RPAP3: variants seen among roughly 807,000 people sequenced by gnomAD.
RPAP3 encodes RNA polymerase II associated protein 3.
A neutral mutation model predicts 88.8 loss-of-function variants in RPAP3; 58 were observed. The ratio of observed to expected loss-of-function variants is 0.65; its 90% CI spans 0.53 to 0.81. The LOEUF (loss-of-function observed/expected upper bound fraction) is 0.81, where lower values mean the gene tolerates loss of function less well. Ranked by LOEUF, RPAP3 falls within the 40% of genes least tolerant of loss-of-function variation. RPAP3 has a pLI of 0.00. For missense variants in RPAP3, 751 were observed against 764.3 expected (o/e 0.98, Z 0.20); for synonymous variants, 255 against 259.9 (o/e 0.98, Z 0.18).
chr12:47,696,581 G>A (rs528041028), intron 4 of RPAP3, among the ~76,000 whole-genome samples, 178 bp from the exon 5 acceptor site: 25 of 151,516 alleles, frequency 1.6e-4, no homozygotes, highest in Admixed American at 4.6e-4. Flanking sequence ...TTCTGCCTCT[G>A]CCACCCGAGA....
At chr12:47,670,084 C>T (rs1356985100) in intron 13 of RPAP3, 23 bp downstream of exon 13, 2 of 1,412,994 alleles carry the variant, frequency 1.4e-6, no homozygotes, top group African/African-American at 2.8e-5. Context: ...GGATGATCAG[C>T]AAATAACAGT....
chr12:47,686,950 CA>C lies in RPAP3; in HGVS notation c.865-44del, dbSNP rs747246311. 193 of 1,233,522 alleles carry C rather than the reference CA, an allele frequency of 1.6e-4. 2 individuals carry two copies. Among genetic ancestry groups the C allele is most frequent in the South Asian group, 1.4e-3 (93 of 64,704 alleles). The allele number at this position is 1,233,522 out of a possible 1,614,324, so 76.4% of individuals were successfully genotyped here. On this transcript the variant is annotated intron_variant, in intron 8 of 16. Coordinates refer to ENST00000005386, the MANE Select transcript of RPAP3 (RefSeq NM_024604.3). ...GATATGGAGAATAAAAAAAAAATTT[CA>C]AAAAAAATAAATGAATTCAAATCTT...
At chr12:47,666,243 C>T (rs548234442) in intron 16 of RPAP3, among the ~76,000 whole-genome samples, 2 of 152,278 alleles carry the variant, frequency 1.3e-5, no homozygotes, top group African/African-American at 2.4e-5. Flanking sequence ...TTTCTCAAAA[C>T]GGACTCTTTA....
intron 14 of RPAP3, among the ~76,000 whole-genome samples, chr12:47,668,117 C>G: frequency 6.6e-6 from 1 of 152,162 alleles, no homozygotes; most frequent in Non-Finnish European, 1.5e-5. Context: ...ATTGCTTGAA[C>G]CTGGGAGGCA....
rs969490735 is a variant in RPAP3 at position 47,661,790 on chromosome 12, T to A, written c.*1715A>T. The A allele has an allele frequency of 6.6e-6, 1 of 152,184 alleles. No homozygotes were observed. The highest frequency in any genetic ancestry group is 1.5e-5 in the Non-Finnish European group (1 of 68,034). The allele number at this position is 152,184 out of a possible 1,614,324, so 9.4% of individuals were successfully genotyped here. On this transcript the variant is annotated 3_prime_UTR_variant, in exon 17 of 17. Coordinates refer to ENST00000005386, the MANE Select transcript of RPAP3 (RefSeq NM_024604.3). ...TGGCCAATTTTTAGCTCTATAATCATGCAGAGAACATTAACCCTCTGAGCC... is the reference window on the plus strand; with the variant it reads ...TGGCCAATTTTTAGCTCTATAATCAAGCAGAGAACATTAACCCTCTGAGCC...
chr12:47,663,954 T>A (rs538058113), intron 16 of RPAP3, among the ~76,000 whole-genome samples: 59 of 152,130 alleles, frequency 3.9e-4, no homozygotes, highest in Admixed American at 6.5e-4. Context: ...TAAACTGTTT[T>A]TCAAACCTAA....
intron 1 of RPAP3, among the ~76,000 whole-genome samples, chr12:47,703,151 T>C (rs1333981561): frequency 1.3e-5 from 2 of 152,236 alleles, no homozygotes; most frequent in African/African-American, 4.8e-5. Context: ...TGCTCATCTC[T>C]GGAGTTGAGC....
intron 5 of RPAP3, among the ~76,000 whole-genome samples, chr12:47,695,589 T>C (rs1367567451): frequency 2.0e-5 from 3 of 152,188 alleles, no homozygotes; most frequent in Non-Finnish European, 4.4e-5. Flanking sequence ...GTAATTTATG[T>C]ATATGCTACA....
intron 12 of RPAP3, 41 bp downstream of exon 12, chr12:47,679,452 A>G: frequency 7.6e-7 from 1 of 1,320,046 alleles, no homozygotes; most frequent in Non-Finnish European, 1.1e-6. Flanking sequence ...CTATTACAAC[A>G]TATTTAAATG....
chr12:47,663,317 G>A lies in RPAP3; in HGVS notation c.*188C>T. On this transcript the variant is annotated 3_prime_UTR_variant, in exon 17 of 17. Transcript: ENST00000005386. Reference sequence around the variant, plus strand: ...CTCATTGTTTATATTTTTATTTTCAGAAAAACAGAGTTCACTTGAATACAA... The same window carrying A: ...CTCATTGTTTATATTTTTATTTTCAAAAAAACAGAGTTCACTTGAATACAA... 2.3e-6 allele frequency: 1 copy of A among 441,262 alleles called. No homozygotes were observed. The highest frequency in any genetic ancestry group is 4.4e-5 in the South Asian group (1 of 22,650). 27.3% of individuals were successfully genotyped at this position (441,262 alleles called of 1,614,324 possible).
chr12:47,671,504 A>G (rs1212264465), intron 12 of RPAP3, among the ~76,000 whole-genome samples: 1 of 152,204 alleles, frequency 6.6e-6, no homozygotes, highest in Non-Finnish European at 1.5e-5. Flanking sequence ...TAATGCAGCT[A>G]AGATATGACC....
rs770205635 is a variant in RPAP3, at chr12:47,690,546, A to G, written c.639T>C (p.Ala213=). The G allele has an allele frequency of 2.5e-6, 4 of 1,603,056 alleles. No homozygotes were observed. In the East Asian group the frequency reaches 6.7e-5, roughly 27 times the overall value. ...AYSRRGAARF[A]LQKLEEAKKD... ...TTTTGGCCTCTTCTAATTTTTGCAAAGCAAATCGAGCAGCACCTCGTCTGG... is the reference window on the plus strand; with the variant it reads ...TTTTGGCCTCTTCTAATTTTTGCAAGGCAAATCGAGCAGCACCTCGTCTGG... Residue 213 remains alanine (A), a synonymous_variant, in exon 6 of 17, where the codon GCT becomes GCC. Coordinates refer to ENST00000005386, the MANE Select transcript of RPAP3 (RefSeq NM_024604.3).
At chr12:47,696,538 T>C (rs1445798915) in intron 4 of RPAP3, 135 bp from the exon 5 acceptor site, 1 of 556,210 alleles carries the variant, frequency 1.8e-6, no homozygotes, top group East Asian at 3.4e-5. Context: ...CTACACCAAG[T>C]GTGCCTGCCT....
At chr12:47,690,056 GAAAA>G (rs1007735527) in intron 6 of RPAP3, among the ~76,000 whole-genome samples, 3 of 119,410 alleles carry the variant, frequency 2.5e-5, no homozygotes, top group Non-Finnish European at 1.9e-5. Flanking sequence ...AAAAAAAAAA[GAAAA>G]AAAAAAACCT....
chr12:47,684,016 A>G (rs1939276890), intron 9 of RPAP3, among the ~76,000 whole-genome samples: 1 of 152,118 alleles, frequency 6.6e-6, no homozygotes, highest in African/African-American at 2.4e-5. Context: ...CTATCTCTAA[A>G]TCTATGCTTT....
chr12:47,679,234 A>G (rs560099456), intron 12 of RPAP3, among the ~76,000 whole-genome samples: 1 of 152,090 alleles, frequency 6.6e-6, no homozygotes, highest in Non-Finnish European at 1.5e-5. Context: ...AACATCACAC[A>G]CTGGGACCTG....
At chr12:47,679,079 A>G (rs1404521180) in intron 12 of RPAP3, among the ~76,000 whole-genome samples, 1 of 152,236 alleles carries the variant, frequency 6.6e-6, no homozygotes. Flanking sequence ...ATAAAAAACG[A>G]TGAGTTCATG....
chr12:47,680,882 T>C (rs1237467), intron 10 of RPAP3, among the ~76,000 whole-genome samples: 5 of 151,106 alleles, frequency 3.3e-5, no homozygotes, highest in African/African-American at 9.7e-5. Context: ...TTCTTCAGTT[T>C]GTAGGATGGC....
At chr12:47,700,369 C>A (rs1939633282) in intron 3 of RPAP3, among the ~76,000 whole-genome samples, 1 of 152,144 alleles carries the variant, frequency 6.6e-6, no homozygotes, top group African/African-American at 2.4e-5. Context: ...TGGAAAAATT[C>A]TCTTTAAGTT....
Sources: allele counts gnomAD v4.1 joint callset (sites outside exome capture counted in the v4.1 genomes callset), GRCh38; gene constraint gnomAD v4.1.1; transcripts MANE v1.5; gene names NCBI Gene and HGNC (gene_info 2026-07-23, HGNC 2026-07-21).